ADGRV1: variants seen among roughly 807,000 people sequenced by gnomAD.
ADGRV1 encodes G-protein coupled receptor 98.
In ADGRV1, 359 loss-of-function variants were observed where a neutral mutation model predicts 596.2. That is an observed-to-expected ratio of 0.60 (90% confidence interval 0.55 to 0.66). The LOEUF is 0.66. ADGRV1 is among the 30% of genes least tolerant of loss of function. ADGRV1 has a pLI of 0.00. For missense variants in ADGRV1, 7,274 were observed against 7,575.6 expected (o/e 0.96, Z 1.48); for synonymous variants, 2,681 against 2,679.2 (o/e 1.00, Z -0.02).
At chr5:90,669,480 AAT>A (rs1420350064) in intron 21 of ADGRV1, among the ~76,000 whole-genome samples, 5 of 152,218 alleles carry the variant, frequency 3.3e-5, no homozygotes, top group Non-Finnish European at 7.3e-5. Flanking sequence ...ACTTAAAAAA[AAT>A]AGAGACCTGA....
chr5:91,069,274 A>G (rs1415142208), intron 85 of ADGRV1, among the ~76,000 whole-genome samples: 2 of 152,178 alleles, frequency 1.3e-5, no homozygotes, highest in South Asian at 2.1e-4. Context: ...CCCAAAAGCA[A>G]TTGCAACAAA....
chr5:91,043,685 A>G (rs1031189066), intron 85 of ADGRV1, among the ~76,000 whole-genome samples: 4 of 152,120 alleles, frequency 2.6e-5, no homozygotes, highest in Non-Finnish European at 1.5e-5. Flanking sequence ...TACTGAAAAG[A>G]GTGCTTAGCA....
intron 59 of ADGRV1, among the ~76,000 whole-genome samples, chr5:90,768,744 G>A (rs115261920): frequency 0.019 from 2,855 of 152,224 alleles, 35 homozygotes; most frequent in Middle Eastern, 0.082. Flanking sequence ...ACAACTCTCC[G>A]GAACTGATGA....
chr5:91,068,702 A>G (rs1788103431), intron 85 of ADGRV1, among the ~76,000 whole-genome samples: 1 of 152,154 alleles, frequency 6.6e-6, no homozygotes, highest in Non-Finnish European at 1.5e-5. Context: ...TCAAATGGCC[A>G]TACTACCCAA....
At chr5:91,029,726 A>C (rs1367753725) in intron 85 of ADGRV1, among the ~76,000 whole-genome samples, 1 of 152,150 alleles carries the variant, frequency 6.6e-6, no homozygotes, top group African/African-American at 2.4e-5. Flanking sequence ...TCATGAATAT[A>C]ATCATTTGTC....
At chr5:91,071,821 C>T (rs1206887967) in intron 85 of ADGRV1, among the ~76,000 whole-genome samples, 2 of 151,904 alleles carry the variant, frequency 1.3e-5, no homozygotes, top group African/African-American at 4.8e-5. Context: ...ACTACAGGCA[C>T]CTGCCACCAC....
chr5:90,574,105 C>G (rs1756897774), intron 1 of ADGRV1, among the ~76,000 whole-genome samples: 1 of 150,722 alleles, frequency 6.6e-6, no homozygotes. Context: ...CAGCATTGCT[C>G]TTTATGCTTG....
intron 10 of ADGRV1, 123 bp downstream of exon 10, chr5:90,635,413 C>A (rs1266889253): frequency 2.5e-6 from 2 of 789,112 alleles, no homozygotes; most frequent in Non-Finnish European, 3.9e-6. Context: ...GTACAAGAAG[C>A]CTTCAGTATG....
intron 87 of ADGRV1, among the ~76,000 whole-genome samples, chr5:91,145,960 A>T (rs922551030): frequency 6.6e-6 from 1 of 152,162 alleles, no homozygotes; most frequent in African/African-American, 2.4e-5. Flanking sequence ...TTTCTAATAG[A>T]CTTTTTATGA....
chr5:90,697,606 G>A (rs1008517336), intron 34 of ADGRV1, among the ~76,000 whole-genome samples: 1 of 152,186 alleles, frequency 6.6e-6, no homozygotes, highest in African/African-American at 2.4e-5. Flanking sequence ...GAATATTTTA[G>A]CCTGGATTTT....
At chr5:90,879,990 A>G (rs1769600950) in intron 83 of ADGRV1, among the ~76,000 whole-genome samples, 1 of 152,092 alleles carries the variant, frequency 6.6e-6, no homozygotes, top group African/African-American at 2.4e-5. Flanking sequence ...TTATTTTAAG[A>G]AGCAATTTTT....
chr5:90,886,126 A>G (rs2150562233), intron 83 of ADGRV1, among the ~76,000 whole-genome samples: 1 of 152,276 alleles, frequency 6.6e-6, no homozygotes, highest in African/African-American at 2.4e-5. Flanking sequence ...GCAGCAACCT[A>G]TCGTTCTGGA....
chr5:91,136,462 T>TG (rs1270493084), intron 87 of ADGRV1, among the ~76,000 whole-genome samples: 2 of 152,234 alleles, frequency 1.3e-5, no homozygotes, highest in African/African-American at 4.8e-5. Context: ...TGTTATGTTA[T>TG]TTCTCAGAAG....
intron 87 of ADGRV1, among the ~76,000 whole-genome samples, chr5:91,119,174 G>C (rs1172808671): frequency 6.6e-6 from 1 of 151,310 alleles, no homozygotes; most frequent in Non-Finnish European, 1.5e-5. Context: ...TATTTTTAGA[G>C]ACATGGTGAA....
At chr5:91,082,269 CCTAT>C (rs1404950350) in intron 86 of ADGRV1, among the ~76,000 whole-genome samples, 2 of 152,170 alleles carry the variant, frequency 1.3e-5, no homozygotes, top group Non-Finnish European at 2.9e-5. Context: ...AAGTAAGTTT[CCTAT>C]CTATTTCCTT....
At chr5:90,952,318 T>C (rs1410923012) in intron 83 of ADGRV1, among the ~76,000 whole-genome samples, 2 of 152,218 alleles carry the variant, frequency 1.3e-5, no homozygotes, top group Non-Finnish European at 2.9e-5. Flanking sequence ...CTATGGGTGT[T>C]CTTAGGCAGT....
At chr5:90,793,690 T>C (rs1390721295) in intron 70 of ADGRV1, among the ~76,000 whole-genome samples, 2 of 147,412 alleles carry the variant, frequency 1.4e-5, no homozygotes, top group African/African-American at 2.4e-5. Flanking sequence ...AATACTTAGC[T>C]TTCCTAATAT....
intron 1 of ADGRV1, among the ~76,000 whole-genome samples, chr5:90,609,402 G>T (rs537185883): frequency 6.6e-6 from 1 of 151,744 alleles, no homozygotes; most frequent in African/African-American, 2.4e-5. Context: ...GAGACTATTC[G>T]TTTTATTTAT....
At chr5:90,875,656 T>C (rs1581393314) in intron 83 of ADGRV1, among the ~76,000 whole-genome samples, 1 of 152,138 alleles carries the variant, frequency 6.6e-6, no homozygotes, top group East Asian at 1.9e-4. Flanking sequence ...TGCAAATAAG[T>C]TGGATAGCAA....
Sources: gnomAD v4.1 joint callset for allele counts (sites outside exome capture counted in the v4.1 genomes callset) on GRCh38, gnomAD v4.1.1 for gene constraint, MANE v1.5 for transcripts, NCBI Gene and HGNC (gene_info 2026-07-23, HGNC 2026-07-21) for gene names.